Variants in SLC35F3 observed in about 807,000 individuals in gnomAD.
SLC35F3 encodes the protein putative thiamine transporter SLC35F3.
A neutral mutation model predicts 49.9 loss-of-function variants in SLC35F3; 25 were observed. The observed-to-expected ratio is 0.50, with a 90% CI of 0.37 to 0.70. The LOEUF is 0.70. SLC35F3 is among the 30% of genes least tolerant of loss of function. The probability of loss-of-function intolerance (pLI) is 0.00; values close to 1 mark genes in which losing one functional copy is unlikely to be tolerated. For missense variants in SLC35F3, 525 were observed against 639.8 expected (o/e 0.82, Z 1.94); for synonymous variants, 275 against 265.4 (o/e 1.04, Z -0.35).
rs564656648 is a variant in SLC35F3, at chr1:234,221,528, T to G, written c.284-9889T>G. On this transcript the variant is annotated intron_variant, in intron 2 of 7. Coordinates refer to ENST00000366618, the MANE Select transcript of SLC35F3 (RefSeq NM_173508.4). ...GAGCTGTGCTGGTGACTTTGATCTT[T>G]GTAATGTAGGAAGTGTCATCGTTTG... Among the ~76,000 whole-genome samples, 18 of 152,306 alleles carry G rather than the reference T, an allele frequency of 1.2e-4. No homozygotes were observed. The East Asian group carries it at 2.5e-3, about 21-fold the overall frequency.
intron 2 of SLC35F3, among the ~76,000 whole-genome samples, chr1:233,960,561 C>T (rs1418446057): frequency 2.0e-5 from 3 of 152,188 alleles, no homozygotes; most frequent in Non-Finnish European, 4.4e-5. Flanking sequence ...GTGAAAGGAG[C>T]TCATTTTGTC....
chr1:234,273,808 TAC>T (rs1310230389), intron 3 of SLC35F3, among the ~76,000 whole-genome samples: 2 of 152,116 alleles, frequency 1.3e-5, no homozygotes, highest in African/African-American at 4.8e-5. Flanking sequence ...TTGGGAGGAA[TAC>T]ACACAGTCTG....
chr1:234,270,407 C>T (rs1349312695), intron 3 of SLC35F3, among the ~76,000 whole-genome samples: 1 of 152,180 alleles, frequency 6.6e-6, no homozygotes, highest in Non-Finnish European at 1.5e-5. Flanking sequence ...CTTATCTTCT[C>T]AGAAATAAAA....
At chr1:234,041,438 A>G (rs1664220330) in intron 2 of SLC35F3, among the ~76,000 whole-genome samples, 1 of 151,948 alleles carries the variant, frequency 6.6e-6, no homozygotes, top group Non-Finnish European at 1.5e-5. Context: ...ACATCCATTG[A>G]CCAGAATCCA....
chr1:234,172,839 C>T (rs554709303), intron 2 of SLC35F3, among the ~76,000 whole-genome samples: 1 of 152,302 alleles, frequency 6.6e-6, no homozygotes, highest in African/African-American at 2.4e-5. Context: ...TGGCCACAGT[C>T]ATATATGCGG....
chr1:233,932,726 A>G (rs942707222), intron 2 of SLC35F3, among the ~76,000 whole-genome samples: 7 of 152,174 alleles, frequency 4.6e-5, no homozygotes, highest in Non-Finnish European at 1.0e-4. Context: ...TTTATACAGG[A>G]TGATGACCAC....
intron 2 of SLC35F3, among the ~76,000 whole-genome samples, chr1:233,974,477 G>A (rs114077148): frequency 0.039 from 5,857 of 152,068 alleles, 366 homozygotes; most frequent in African/African-American, 0.13. Context: ...CACCGTGCCC[G>A]GCCTCTATTT....
At chr1:234,246,309 G>T (rs1667630114) in intron 3 of SLC35F3, among the ~76,000 whole-genome samples, 1 of 152,076 alleles carries the variant, frequency 6.6e-6, no homozygotes, top group South Asian at 2.1e-4. Context: ...CCAAGCTTTT[G>T]GGTGCAGCTG....
intron 2 of SLC35F3, among the ~76,000 whole-genome samples, chr1:234,099,610 A>AG (rs1665183881): frequency 6.7e-6 from 1 of 149,820 alleles, no homozygotes; most frequent in South Asian, 2.2e-4. Context: ...CTCTGTCTAA[A>AG]AAAAAAAAAA....
chr1:234,051,076 C>T (rs1041922462), intron 2 of SLC35F3, among the ~76,000 whole-genome samples: 3 of 152,134 alleles, frequency 2.0e-5, no homozygotes, highest in African/African-American at 7.2e-5. Context: ...TAGCGTGATG[C>T]CTCCAGGTTT....
chr1:234,214,222 G>A lies in SLC35F3; in HGVS notation c.284-17195G>A. The A allele has an allele frequency of 8.3e-7, 1 of 1,206,226 alleles. No homozygotes were observed. Among genetic ancestry groups the A allele is most frequent in the East Asian group, 3.8e-5 (1 of 26,242 alleles). The allele number at this position is 1,206,226 out of a possible 1,614,324, so 74.7% of individuals were successfully genotyped here. A position where few individuals can be genotyped will look rare whatever the true frequency, so the allele number is the denominator to read the frequency against. ...GAGTGCACTTGTACGTGACGTTGGAGTTTGCAGCAACCTCCAAGTAGGAGG... is the reference window on the plus strand; with the variant it reads ...GAGTGCACTTGTACGTGACGTTGGAATTTGCAGCAACCTCCAAGTAGGAGG... On this transcript the variant is annotated intron_variant, in intron 2 of 7. Coordinates refer to ENST00000366618, the MANE Select transcript of SLC35F3 (RefSeq NM_173508.4). The surrounding 1 kb of genome is among the most constrained non-coding windows in gnomAD (Gnocchi z 8.0).
At chr1:233,978,837 C>G (rs1306170843) in intron 2 of SLC35F3, among the ~76,000 whole-genome samples, 5 of 152,240 alleles carry the variant, frequency 3.3e-5, no homozygotes, top group African/African-American at 1.2e-4. Context: ...CAGGACCAGC[C>G]TGGCCAACAT....
intron 3 of SLC35F3, among the ~76,000 whole-genome samples, chr1:234,242,609 C>G (rs1667571159): frequency 6.6e-6 from 1 of 152,158 alleles, no homozygotes; most frequent in African/African-American, 2.4e-5. Flanking sequence ...TCATATGCTT[C>G]CTGGATCATT....
intron 3 of SLC35F3, among the ~76,000 whole-genome samples, chr1:234,297,364 A>G (rs912404170): frequency 6.6e-6 from 1 of 152,238 alleles, no homozygotes. Flanking sequence ...CCATGTTACC[A>G]CAGCACGATT....
chr1:233,946,642 T>C (rs546709558), intron 2 of SLC35F3, among the ~76,000 whole-genome samples: 1 of 152,374 alleles, frequency 6.6e-6, no homozygotes, highest in South Asian at 2.1e-4. Context: ...ATGCTTGTTA[T>C]GGTCAGTGGA....
At chr1:233,983,028 C>T (rs1663210740) in intron 2 of SLC35F3, among the ~76,000 whole-genome samples, 1 of 152,180 alleles carries the variant, frequency 6.6e-6, no homozygotes, top group African/African-American at 2.4e-5. Flanking sequence ...GGTAGGAGCG[C>T]AGTTCCTGTA....
intron 2 of SLC35F3, among the ~76,000 whole-genome samples, chr1:234,089,584 C>T (rs1372993731): frequency 6.6e-6 from 1 of 152,194 alleles, no homozygotes; most frequent in East Asian, 1.9e-4. Flanking sequence ...CTGCTGCCTC[C>T]AGTGGACAGA....
chr1:234,317,633 G>T lies in SLC35F3; in HGVS notation c.954+906G>T, dbSNP rs563349842. 2.0e-5 allele frequency among the ~76,000 whole-genome samples: 3 copies of T among 152,242 alleles called. No individual in the cohort carries two copies. In the East Asian group the frequency reaches 5.8e-4, roughly 29 times the overall value. On this transcript the variant is annotated intron_variant, in intron 5 of 7. Transcript: ENST00000366618. Reference sequence around the variant, plus strand: ...CCATGTGTTCTGGGTTTGGGAAAATGAAATAACTCAGCCTTATCCTTCATC... The same window carrying T: ...CCATGTGTTCTGGGTTTGGGAAAATTAAATAACTCAGCCTTATCCTTCATC...
intron 2 of SLC35F3, among the ~76,000 whole-genome samples, chr1:233,951,870 C>A (rs936615191): frequency 1.3e-5 from 2 of 152,088 alleles, no homozygotes; most frequent in Non-Finnish European, 2.9e-5. Context: ...CCATGCCCAG[C>A]TATCAAGACT....
Sources: allele counts gnomAD v4.1 joint callset (sites outside exome capture counted in the v4.1 genomes callset), GRCh38; gene constraint gnomAD v4.1.1; non-coding constraint Gnocchi (gnomAD v3.1); transcripts MANE v1.5; gene names NCBI Gene and HGNC (gene_info 2026-07-23, HGNC 2026-07-21).